The following ME3 variants were observed in gnomAD, a reference collection of about 807,000 sequenced individuals.
ME3 encodes the protein NADP-dependent malic enzyme, mitochondrial.
A neutral mutation model predicts 68.9 loss-of-function variants in ME3; 48 were observed. The observed-to-expected ratio is 0.70, with a 90% CI of 0.55 to 0.89. The LOEUF is 0.89. ME3 is among the 40% of genes least tolerant of loss of function. The pLI is 0.00. For missense variants in ME3, 675 were observed against 797.4 expected (o/e 0.85, Z 1.85); for synonymous variants, 320 against 318.8 (o/e 1.00, Z -0.04).
chr11:86,531,556 T>G (rs913845879), intron 4 of ME3, among the ~76,000 whole-genome samples: 1 of 152,192 alleles, frequency 6.6e-6, no homozygotes, highest in Non-Finnish European at 1.5e-5. Context: ...ACACGCATGT[T>G]TATTGTGGCA....
chr11:86,582,577 G>C (rs1027533656), intron 2 of ME3, among the ~76,000 whole-genome samples: 1 of 152,190 alleles, frequency 6.6e-6, no homozygotes, highest in Non-Finnish European at 1.5e-5. Context: ...CCTAAGGAGA[G>C]TGGATAAGTG....
chr11:86,458,928 C>G (rs1356586459), intron 8 of ME3, among the ~76,000 whole-genome samples: 1 of 152,202 alleles, frequency 6.6e-6, no homozygotes, highest in Non-Finnish European at 1.5e-5. Flanking sequence ...CCAACAAGGT[C>G]ATTATCTTCC....
At chr11:86,639,555 G>T (rs888288567) in intron 2 of ME3, among the ~76,000 whole-genome samples, 3 of 152,200 alleles carry the variant, frequency 2.0e-5, no homozygotes, top group African/African-American at 7.2e-5. Flanking sequence ...ACCCTTGTGT[G>T]GTGGTGCCTC....
chr11:86,564,479 G>A (rs1311020369), intron 2 of ME3, among the ~76,000 whole-genome samples: 3 of 120,970 alleles, frequency 2.5e-5, no homozygotes, highest in Admixed American at 8.6e-5. Flanking sequence ...AAAAAAAACA[G>A]TGTGGGACTG....
intron 4 of ME3, among the ~76,000 whole-genome samples, chr11:86,537,525 C>T (rs977927716): frequency 6.6e-6 from 1 of 152,042 alleles, no homozygotes; most frequent in African/African-American, 2.4e-5. Context: ...GTCATTTTTC[C>T]CCTTGGCCTT....
At chr11:86,452,783 T>A (rs1949702798) in intron 8 of ME3, among the ~76,000 whole-genome samples, 1 of 152,230 alleles carries the variant, frequency 6.6e-6, no homozygotes, top group Non-Finnish European at 1.5e-5. Flanking sequence ...TTCCACATGT[T>A]AGTCTTTAGA....
Position 86,524,365 on chromosome 11 carries a change from C to T in ME3, c.468-15498G>A, listed in dbSNP as rs1421946739. Among the ~76,000 whole-genome samples, 3 of 152,208 alleles carry T rather than the reference C, an allele frequency of 2.0e-5. No individual in the cohort carries two copies. The East Asian group carries it at 5.8e-4, about 29-fold the overall frequency. ...CTACAAGATAAGGAGAGAAAAACAT[C>T]CTATCTGCTTGTTTTTCCAAAGCAG... On this transcript the variant is annotated intron_variant, in intron 4 of 14. Coordinates refer to ENST00000543262, the Ensembl canonical transcript of ME3.
chr11:86,631,753 A>T (rs1486905759), intron 2 of ME3, among the ~76,000 whole-genome samples: 1 of 152,158 alleles, frequency 6.6e-6, no homozygotes, highest in African/African-American at 2.4e-5. Context: ...TTATTTTGAG[A>T]TAGAGTTTTA....
chr11:86,515,902 C>G (rs1197543267), intron 4 of ME3, among the ~76,000 whole-genome samples: 1 of 152,156 alleles, frequency 6.6e-6, no homozygotes, highest in Admixed American at 6.5e-5. Flanking sequence ...AAGCCGCAGG[C>G]CAGGCTCTGC....
At chr11:86,544,017 A>G (rs1956214650) in intron 4 of ME3, among the ~76,000 whole-genome samples, 1 of 149,070 alleles carries the variant, frequency 6.7e-6, no homozygotes, top group South Asian at 2.1e-4. Flanking sequence ...AAAACTGCAC[A>G]ACTACATGTA....
intron 2 of ME3, among the ~76,000 whole-genome samples, chr11:86,644,795 G>A (rs1040480674): frequency 3.3e-5 from 5 of 152,164 alleles, no homozygotes; most frequent in East Asian, 1.9e-4. Context: ...GAGCAGCTCC[G>A]GTCTGCAGCT....
downstream of ME3, among the ~76,000 whole-genome samples, chr11:86,440,415 C>T (rs1948934964): frequency 6.6e-6 from 1 of 152,148 alleles, no homozygotes; most frequent in Non-Finnish European, 1.5e-5. Context: ...CTTTGTGTTG[C>T]TCAACTACTT....
In ME3 at chr11:86,441,130, A is replaced by G. The variant is rs370762418; in HGVS notation, c.*149T>C. 17 of 703,878 alleles carry G rather than the reference A, an allele frequency of 2.4e-5. No homozygotes were observed. The Admixed American group carries it at 2.7e-4, about 11-fold the overall frequency. 43.6% of individuals were successfully genotyped at this position (703,878 alleles called of 1,614,324 possible). A position where few individuals can be genotyped will look rare whatever the true frequency, so the allele number is the denominator to read the frequency against. Reference sequence around the variant, plus strand: ...GCCTTCAGAGACAAGGCTTTTATTCACTGTATGCCTTGGCATCTCCTCTCA... The same window carrying G: ...GCCTTCAGAGACAAGGCTTTTATTCGCTGTATGCCTTGGCATCTCCTCTCA... On this transcript the variant is annotated 3_prime_UTR_variant, in exon 15 of 15. Coordinates refer to ENST00000543262, the Ensembl canonical transcript of ME3.
chr11:86,655,897 T>G (rs897676214), intron 2 of ME3, among the ~76,000 whole-genome samples: 6 of 151,690 alleles, frequency 4.0e-5, no homozygotes, highest in African/African-American at 7.3e-5. Context: ...CAAACAAATT[T>G]ACAAGAAAAA....
At chr11:86,649,678 A>G (rs1320412505) in intron 2 of ME3, among the ~76,000 whole-genome samples, 1 of 152,210 alleles carries the variant, frequency 6.6e-6, no homozygotes, top group African/African-American at 2.4e-5. Flanking sequence ...TAATAGACAA[A>G]CAGCCAAATA....
intron 2 of ME3, among the ~76,000 whole-genome samples, chr11:86,642,911 T>C (rs974896899): frequency 7.9e-5 from 12 of 152,222 alleles, no homozygotes; most frequent in Non-Finnish European, 1.6e-4. Context: ...TTTATTCCAT[T>C]TAATTCTAGG....
chr11:86,595,905 G>A (rs1050700493), intron 2 of ME3, among the ~76,000 whole-genome samples: 11 of 152,150 alleles, frequency 7.2e-5, no homozygotes, highest in African/African-American at 1.2e-4. Context: ...ATACCTTCTC[G>A]GCCCCAGACA....
At chr11:86,503,597 G>A (rs1328186748) in intron 5 of ME3, among the ~76,000 whole-genome samples, 1 of 152,218 alleles carries the variant, frequency 6.6e-6, no homozygotes, top group Non-Finnish European at 1.5e-5. Context: ...TGACAAAAGA[G>A]CACTCCCTAA....
intron 4 of ME3, among the ~76,000 whole-genome samples, chr11:86,542,348 C>T (rs992656824): frequency 6.6e-6 from 1 of 152,092 alleles, no homozygotes; most frequent in Admixed American, 6.6e-5. Context: ...TGGGTAATAA[C>T]AAACTCCTCT....
Sources: gnomAD v4.1 joint callset for allele counts (sites outside exome capture counted in the v4.1 genomes callset) on GRCh38, gnomAD v4.1.1 for gene constraint, MANE v1.5 for transcripts, NCBI Gene and HGNC (gene_info 2026-07-23, HGNC 2026-07-21) for gene names.